Variants in BNC2 observed in about 807,000 individuals in gnomAD.
The protein encoded by BNC2 is zinc finger protein basonuclin-2.
In BNC2, 20 loss-of-function variants were observed where a neutral mutation model predicts 76.3. The observed-to-expected ratio is 0.26, with a 90% CI of 0.18 to 0.38. The LOEUF (loss-of-function observed/expected upper bound fraction) is 0.38, where lower values mean the gene tolerates loss of function less well. Ranked by LOEUF, BNC2 falls within the 10% of genes least tolerant of loss-of-function variation. The pLI is 1.00. For synonymous variants in BNC2, 582 were observed against 514.8 expected (o/e 1.13, Z -1.77); for missense variants, 1,382 against 1,399.8 (o/e 0.99, Z 0.20).
chr9:16,543,385 G>C (rs1226864245), intron 5 of BNC2, among the ~76,000 whole-genome samples: 21 of 152,176 alleles, frequency 1.4e-4, no homozygotes, highest in Admixed American at 1.4e-3. Flanking sequence ...GGATGTATGA[G>C]TGCTGCTCAG....
chr9:16,576,399 G>T (rs375523978), intron 4 of BNC2, among the ~76,000 whole-genome samples: 132 of 152,252 alleles, frequency 8.7e-4, no homozygotes, highest in African/African-American at 3.1e-3. Flanking sequence ...ATGCGGAGTG[G>T]GAAGGAGAGA....
intron 3 of BNC2, among the ~76,000 whole-genome samples, chr9:16,725,529 A>T (rs1042855040): frequency 6.6e-6 from 1 of 152,128 alleles, no homozygotes; most frequent in Non-Finnish European, 1.5e-5. Flanking sequence ...AAAAAAAAAG[A>T]AAACATATTT....
At chr9:16,828,882 C>T (rs1206013655) in intron 1 of BNC2, among the ~76,000 whole-genome samples, 6 of 151,794 alleles carry the variant, frequency 4.0e-5, no homozygotes, top group Admixed American at 2.6e-4. Context: ...CCAGATGTGT[C>T]GGCTGTCAGG....
At chr9:16,719,188 G>T (rs1380236950) in intron 3 of BNC2, among the ~76,000 whole-genome samples, 1 of 152,056 alleles carries the variant, frequency 6.6e-6, no homozygotes, top group Non-Finnish European at 1.5e-5. Context: ...CCCATATCTT[G>T]CCGGTGACAT....
intron 1 of BNC2, among the ~76,000 whole-genome samples, chr9:16,750,391 C>T (rs940940904): frequency 6.6e-6 from 1 of 152,184 alleles, no homozygotes; most frequent in African/African-American, 2.4e-5. Flanking sequence ...GGCATCACAC[C>T]CAACAGCATA....
At chr9:16,788,528 G>A (rs1462976912) in intron 1 of BNC2, among the ~76,000 whole-genome samples, 1 of 150,010 alleles carries the variant, frequency 6.7e-6, no homozygotes. Context: ...ACTCCACCCT[G>A]GGCGACAGAG....
chr9:16,496,852 C>T (rs1822401694), intron 5 of BNC2, among the ~76,000 whole-genome samples: 1 of 152,262 alleles, frequency 6.6e-6, no homozygotes, highest in Non-Finnish European at 1.5e-5. Flanking sequence ...TACCAGACAC[C>T]CAGTTGCTGT....
chr9:16,639,110 C>G (rs899253367), intron 3 of BNC2, among the ~76,000 whole-genome samples: 1 of 152,032 alleles, frequency 6.6e-6, no homozygotes, highest in Non-Finnish European at 1.5e-5. Context: ...TTAATGTGAA[C>G]TTAATAAGTT....
intron 3 of BNC2, among the ~76,000 whole-genome samples, chr9:16,684,437 C>A (rs1402912957): frequency 2.0e-5 from 3 of 152,094 alleles, no homozygotes; most frequent in Non-Finnish European, 4.4e-5. Flanking sequence ...AGGTGGTCTT[C>A]CCTGGGCCAA....
In BNC2 at chr9:16,822,863, T is replaced by G. The variant is rs546395903; in HGVS notation, c.3+47783A>C. ...ATTACTATTCTATAAATTTGAATAT[T>G]TTTTTAAGCCAAGAAAAATTACAGA... On this transcript the variant is annotated intron_variant, in intron 1 of 6. Coordinates refer to ENST00000380672, the MANE Select transcript of BNC2 (RefSeq NM_017637.6). Among the ~76,000 whole-genome samples the G allele has an allele frequency of 5.2e-4, 79 of 152,278 alleles. 2 individuals are homozygous for G. The South Asian group carries it at 0.016, about 31-fold the overall frequency.
At chr9:16,707,578 T>C (rs1297286362) in intron 3 of BNC2, among the ~76,000 whole-genome samples, 3 of 152,310 alleles carry the variant, frequency 2.0e-5, no homozygotes, top group African/African-American at 7.2e-5. Flanking sequence ...AACTCTGGGA[T>C]ACATCACTAA....
chr9:16,483,690 C>G (rs947824470), intron 5 of BNC2, among the ~76,000 whole-genome samples: 1 of 152,134 alleles, frequency 6.6e-6, no homozygotes, highest in Non-Finnish European at 1.5e-5. Flanking sequence ...CAAATTCACA[C>G]GCATATGTGG....
chr9:16,703,993 T>C (rs1563907012), intron 3 of BNC2, among the ~76,000 whole-genome samples: 1 of 152,180 alleles, frequency 6.6e-6, no homozygotes. Context: ...AATTAAGGTT[T>C]GAAATTGAAG....
intron 4 of BNC2, among the ~76,000 whole-genome samples, chr9:16,567,075 G>A (rs1191373323): frequency 6.6e-6 from 1 of 152,116 alleles, no homozygotes; most frequent in Non-Finnish European, 1.5e-5. Context: ...ACAAAACAAA[G>A]GAGAAATTGA....
At chr9:16,705,870 C>G (rs1823653819) in intron 3 of BNC2, among the ~76,000 whole-genome samples, 1 of 152,114 alleles carries the variant, frequency 6.6e-6, no homozygotes, top group African/African-American at 2.4e-5. Context: ...GAGAAAAATT[C>G]AAAGGGATTG....
At chr9:16,799,643 T>C (rs1402369101) in intron 1 of BNC2, among the ~76,000 whole-genome samples, 1 of 152,168 alleles carries the variant, frequency 6.6e-6, no homozygotes, top group African/African-American at 2.4e-5. Flanking sequence ...AATCCCATTG[T>C]ATTTACAGAA....
intron 5 of BNC2, among the ~76,000 whole-genome samples, chr9:16,521,107 A>G (rs1279023418): frequency 6.6e-6 from 1 of 152,198 alleles, no homozygotes; most frequent in Admixed American, 6.5e-5. Context: ...TGATAAAGAG[A>G]CAGAATTTAG....
chr9:16,655,013 G>C (rs1356201858), intron 3 of BNC2, among the ~76,000 whole-genome samples: 1 of 151,910 alleles, frequency 6.6e-6, no homozygotes, highest in African/African-American at 2.4e-5. Flanking sequence ...AGAAATGATA[G>C]ATCAATAACT....
intron 3 of BNC2, among the ~76,000 whole-genome samples, chr9:16,650,882 G>C (rs1337389): frequency 0.61 from 93,011 of 151,986 alleles, 29,919 homozygotes; most frequent in African/African-American, 0.82. Flanking sequence ...TGTAAGTTTT[G>C]TAAATATTGA....
Sources: allele counts gnomAD v4.1 joint callset (sites outside exome capture counted in the v4.1 genomes callset), GRCh38; gene constraint gnomAD v4.1.1; transcripts MANE v1.5; gene names NCBI Gene and HGNC (gene_info 2026-07-23, HGNC 2026-07-21).